AP3B2: variants seen among roughly 807,000 people sequenced by gnomAD.
The protein encoded by AP3B2 is AP-3 complex subunit beta-2.
Under a neutral mutation model 126.9 loss-of-function variants are expected in AP3B2, and 50 were observed. That is an observed-to-expected ratio of 0.39 (90% confidence interval 0.31 to 0.50). The LOEUF is 0.50. Ranked by LOEUF, AP3B2 falls within the 20% of genes least tolerant of loss-of-function variation. The pLI is 0.79. For synonymous variants in AP3B2, 541 were observed against 565.0 expected, an observed-to-expected ratio of 0.96 and a Z score of 0.60; for missense variants, 1,177 against 1,426.4, an observed-to-expected ratio of 0.83 and a Z score of 2.82.
chr15:82,663,451 C>G, intron 21 of AP3B2, 109 bp downstream of exon 21: 1 of 1,286,124 alleles, frequency 7.8e-7, no homozygotes, highest in South Asian at 1.2e-5. Context: ...TCTGTCTGCT[C>G]CCCTGCTCCC....
At chr15:82,693,891 A>C (rs1447473533) in intron 1 of AP3B2, among the ~76,000 whole-genome samples, 1 of 149,304 alleles carries the variant, frequency 6.7e-6, no homozygotes, top group Non-Finnish European at 1.5e-5. Context: ...AGTAGAGATG[A>C]GGTTTCTCCA....
At chr15:82,706,476 G>A (rs1286812354) in intron 1 of AP3B2, among the ~76,000 whole-genome samples, 1 of 152,164 alleles carries the variant, frequency 6.6e-6, no homozygotes, top group African/African-American at 2.4e-5. Context: ...GGAAGCTGGA[G>A]TCATTCACTG....
chr15:82,679,117 G>T lies in AP3B2; in HGVS notation c.1182+612C>A, dbSNP rs183356103. ...TGACCTGGGGCAGTTACCTCCCAGA[G>T]TCTTTTTTTCTTTTTCTTAGATTGA... On this transcript the variant is annotated intron_variant, in intron 10 of 26. Transcript: ENST00000535359. 1.5e-3 allele frequency among the ~76,000 whole-genome samples: 231 copies of T among 152,246 alleles called. 1 individual carries two copies. The highest frequency in any genetic ancestry group is 5.3e-3 in the African/African-American group (221 of 41,514).
In AP3B2 at chr15:82,664,106, C is replaced by CA; in HGVS notation, c.2262-132_2262-131insT. The CA allele has an allele frequency of 7.0e-7, 1 of 1,419,092 alleles. No individual in the cohort carries two copies. The highest frequency in any genetic ancestry group is 9.3e-7 in the Non-Finnish European group (1 of 1,078,188). 87.9% of individuals were successfully genotyped at this position (1,419,092 alleles called of 1,614,324 possible). ...GCCAGGAGGGTTCACACCTGAGGTC[C>CA]TATAGCAGGGACCCCGTGAGAGCTT... On this transcript the variant is annotated intron_variant, in intron 19 of 26. Transcript: ENST00000535359. This position sits in a 1 kb window ranked among gnomAD's most constrained non-coding sequence, Gnocchi z 4.5.
intron 1 of AP3B2, among the ~76,000 whole-genome samples, chr15:82,706,924 CT>C (rs1485980993): frequency 1.3e-5 from 2 of 152,218 alleles, no homozygotes; most frequent in African/African-American, 4.8e-5. Context: ...GGATTTGCCT[CT>C]GCCCAGGACT....
intron 1 of AP3B2, among the ~76,000 whole-genome samples, chr15:82,702,797 C>T (rs1172726583): frequency 6.6e-6 from 1 of 152,148 alleles, no homozygotes. Context: ...TGACTCGGAT[C>T]GGGGGACCAC....
chr15:82,659,660 T>G lies in AP3B2; in HGVS notation c.3206A>C (p.Asp1069Ala), dbSNP rs2151425094. 6.2e-7 allele frequency: 1 copy of G among 1,613,930 alleles called. No individual in the cohort carries two copies. Among genetic ancestry groups the G allele is most frequent in the Non-Finnish European group, 8.5e-7 (1 of 1,179,876 alleles). ...CTGGGCAGCTCCAGCTGGCCGGGCATCCAGGGTCAGCAGAACGAGGCTTCC... is the reference window on the plus strand; with the variant it reads ...CTGGGCAGCTCCAGCTGGCCGGGCAGCCAGGGTCAGCAGAACGAGGCTTCC... ...TGGSLVLLTL[D>A]ARPAGAAQLT... The change falls in exon 27 of 27, where the codon GAT (aspartate) becomes GCT (alanine). Residue 1069 changes from aspartate to alanine, a missense_variant. Physicochemically the swap from Asp to Ala is moderately radical, Grantham distance 126. Coordinates refer to ENST00000535359, the MANE Select transcript of AP3B2 (RefSeq NM_001278512.2).
chr15:82,695,140 A>T (rs1473417410), intron 1 of AP3B2, among the ~76,000 whole-genome samples: 1 of 137,320 alleles, frequency 7.3e-6, no homozygotes, highest in Non-Finnish European at 1.5e-5. Flanking sequence ...TCTGTCGCCC[A>T]GGCTGGAGTG....
chr15:82,685,829 T>C (rs186868989), intron 4 of AP3B2: 1 of 152,376 alleles, frequency 6.6e-6, no homozygotes, highest in Admixed American at 6.5e-5. Context: ...CCAAGCATTT[T>C]TAAGAGCAGA....
chr15:82,705,005 T>C (rs2048775675), intron 1 of AP3B2, among the ~76,000 whole-genome samples: 1 of 152,182 alleles, frequency 6.6e-6, no homozygotes, highest in African/African-American at 2.4e-5. Flanking sequence ...CGCAGTTCCC[T>C]TATTAGGCCG....
At chr15:82,679,423 G>T (rs1314419021) in intron 10 of AP3B2, among the ~76,000 whole-genome samples, 1 of 152,194 alleles carries the variant, frequency 6.6e-6, no homozygotes. Context: ...TGCCTGGCCA[G>T]AGTCTATATT....
At chr15:82,700,896 C>T (rs977688553) in intron 1 of AP3B2, among the ~76,000 whole-genome samples, 7 of 150,654 alleles carry the variant, frequency 4.6e-5, no homozygotes, top group East Asian at 4.0e-4. Flanking sequence ...AGTCTCACTC[C>T]GTTGCCCAGG....
At chr15:82,690,642 C>CTT (rs147811093) in intron 1 of AP3B2, among the ~76,000 whole-genome samples, 721 of 68,994 alleles carry the variant, frequency 0.01, 15 homozygotes, top group African/African-American at 0.013. Flanking sequence ...TTTTCTTCTT[C>CTT]TTTTTTTTTT....
chr15:82,659,393 G>C lies in AP3B2; in HGVS notation c.*167C>G, dbSNP rs986773808. On this transcript the variant is annotated 3_prime_UTR_variant, in exon 27 of 27. Coordinates refer to ENST00000535359, the MANE Select transcript of AP3B2 (RefSeq NM_001278512.2). ...CACAGATCACTAAGGAATCCATGGG[G>C]AGGGCATTAGGGGAGGGCTTGGTCC... is the stretch of plus-strand genomic sequence containing the variant. The C allele has an allele frequency of 2.1e-5, 16 of 768,070 alleles. No individual in the cohort carries two copies. In the African/African-American group the frequency reaches 2.8e-4, roughly 13 times the overall value. 47.6% of individuals were successfully genotyped at this position (768,070 alleles called of 1,614,324 possible). A position where few individuals can be genotyped will look rare whatever the true frequency, so the allele number is the denominator to read the frequency against.
chr15:82,676,426 C>G (rs1456549494), intron 14 of AP3B2, 35 bp downstream of exon 14: 2 of 1,605,452 alleles, frequency 1.2e-6, no homozygotes, highest in Admixed American at 3.4e-5. Flanking sequence ...TTTCTGGGGA[C>G]CAGAGTATCT....
At chr15:82,667,019 C>G (rs895426350) in intron 14 of AP3B2, 86 bp from the exon 15 acceptor site, 4 of 1,385,042 alleles carry the variant, frequency 2.9e-6, no homozygotes, top group Middle Eastern at 2.0e-4. Flanking sequence ...CCGACACTTT[C>G]AGGCAGAACG....
chr15:82,709,629 G>A lies in AP3B2; in HGVS notation c.78C>T (p.Pro26=), dbSNP rs1401567413. The change falls in exon 1 of 27, where the codon CCC becomes CCT. Residue 26 remains proline, a synonymous_variant. Transcript: ENST00000535359. ...GPGEPEYGHD[P]ASGGIFSSDY... ...CGGAGGAGAAGATGCCGCCGCTCGC[G>A]GGGTCGTGGCCGTACTCGGGCTCCC... is the stretch of plus-strand genomic sequence containing the variant. The A allele has an allele frequency of 6.6e-7, 1 of 1,516,264 alleles. No homozygotes were observed. The highest frequency in any genetic ancestry group is 2.7e-5 in the East Asian group (1 of 36,800). The allele number at this position is 1,516,264 out of a possible 1,614,324, so 93.9% of individuals were successfully genotyped here.
intron 1 of AP3B2, among the ~76,000 whole-genome samples, chr15:82,702,408 A>G (rs1596198808): frequency 6.6e-6 from 1 of 152,196 alleles, no homozygotes; most frequent in Non-Finnish European, 1.5e-5. Context: ...CTAAACCATC[A>G]TATCCCCTGT....
chr15:82,663,614 T>A lies in AP3B2; in HGVS notation c.2443A>T (p.Ser815Cys). The A allele has an allele frequency of 6.2e-7, 1 of 1,613,908 alleles. No homozygotes were observed. The highest frequency in any genetic ancestry group is 1.3e-5 in the African/African-American group (1 of 75,038). The part of the protein sequence containing the change: ...PASWSRKTPP[S>C]SKSAPATKEI... ...TTGGTTGCAGGAGCACTTTTGCTGCTGGGAGGCTGAAAGAGAAAAATGGGA... is the reference window on the plus strand; with the variant it reads ...TTGGTTGCAGGAGCACTTTTGCTGCAGGGAGGCTGAAAGAGAAAAATGGGA... Residue 815 changes from serine (S) to cysteine (C), a missense_variant, in exon 21 of 27, where the codon AGC becomes TGC. Around this residue, in one of 5 missense-constraint regions of AP3B2, gnomAD observed 587 missense variants for 571.3 expected, o/e 1.03. Transcript: ENST00000535359.
Sources: allele counts gnomAD v4.1 joint callset (sites outside exome capture counted in the v4.1 genomes callset), GRCh38; gene constraint gnomAD v4.1.1; regional missense constraint gnomAD v4.1.1; non-coding constraint Gnocchi (gnomAD v3.1); transcripts MANE v1.5; gene names NCBI Gene and HGNC (gene_info 2026-07-23, HGNC 2026-07-21).